FNDC3B: variants seen among roughly 807,000 people sequenced by gnomAD.
FNDC3B encodes fibronectin type III domain containing 3B, also known as fibronectin type III domain-containing protein 3B.
A neutral mutation model predicts 151.5 loss-of-function variants in FNDC3B; 12 were observed. The observed-to-expected ratio is 0.08, with a 90% CI of 0.05 to 0.13. FNDC3B has a LOEUF of 0.13. Among genes scored for constraint, FNDC3B ranks in the 10% least tolerant of loss-of-function variants. The probability of loss-of-function intolerance (pLI) is 1.00; values close to 1 mark genes in which losing one functional copy is unlikely to be tolerated. For missense variants in FNDC3B, 1,214 were observed against 1,505.3 expected, an observed-to-expected ratio of 0.81 and a Z score of 3.20; for synonymous variants, 528 against 549.0, an observed-to-expected ratio of 0.96 and a Z score of 0.54.
rs538183377 is a variant in FNDC3B, at chr3:172,099,681, C to T, written c.-28-12771C>T. Among the ~76,000 whole-genome samples, 16 of 152,300 alleles carry T rather than the reference C, an allele frequency of 1.1e-4. No homozygotes were observed. In the South Asian group the frequency reaches 3.3e-3, roughly 32 times the overall value. On this transcript the variant is annotated intron_variant, in intron 1 of 25. Transcript: ENST00000415807. ...CCTGCTTTTCTGCTCTCATGATTTA[C>T]CAAATGAATTTGCCTCACAAATGTT...
intron 11 of FNDC3B, among the ~76,000 whole-genome samples, chr3:172,315,725 C>G (rs1240775540): frequency 6.6e-6 from 1 of 152,168 alleles, no homozygotes; most frequent in Non-Finnish European, 1.5e-5. Flanking sequence ...AATCTACAAG[C>G]ACTTGTCATT....
intron 6 of FNDC3B, among the ~76,000 whole-genome samples, chr3:172,261,767 T>TAA (rs1440171170): frequency 6.6e-6 from 1 of 152,228 alleles, no homozygotes; most frequent in African/African-American, 2.4e-5. Flanking sequence ...TACAAAGTAA[T>TAA]AAGTGAAATG....
intron 11 of FNDC3B, among the ~76,000 whole-genome samples, chr3:172,319,642 T>TTTGC (rs1731981625): frequency 6.6e-6 from 1 of 152,002 alleles, no homozygotes; most frequent in South Asian, 2.1e-4. Flanking sequence ...AAGAGTGGGG[T>TTTGC]TTGGCACGAG....
intron 5 of FNDC3B, 90 bp from the exon 6 acceptor site, chr3:172,251,170 C>T: frequency 8.7e-6 from 9 of 1,039,374 alleles, no homozygotes; most frequent in Non-Finnish European, 1.3e-5. Context: ...ATACTTTAGA[C>T]TTCTTCAGGA....
At chr3:172,316,124 C>T (rs753221690) in intron 11 of FNDC3B, among the ~76,000 whole-genome samples, 3 of 150,930 alleles carry the variant, frequency 2.0e-5, no homozygotes, top group Non-Finnish European at 2.9e-5. Context: ...TCCCCTGCCT[C>T]GGCCACTCGA....
rs192759658 is a variant in FNDC3B at position 172,361,587 on chromosome 3, C to T, written c.2796-1046C>T. 5.1e-3 allele frequency among the ~76,000 whole-genome samples: 781 copies of T among 152,266 alleles called. 3 individuals are homozygous for T. The highest frequency in any genetic ancestry group is 7.0e-3 in the Non-Finnish European group (479 of 68,016). On this transcript the variant is annotated intron_variant, in intron 22 of 25. Coordinates refer to ENST00000415807, the MANE Select transcript of FNDC3B (RefSeq NM_022763.4). ...CCTTCACTGCCCATATTTCCATCAG[C>T]GCTTTGGTCATGACCACTTATTCAG...
Position 172,247,649 on chromosome 3 carries a change from G to T in FNDC3B, c.381G>T (p.Leu127=). 1 of 1,613,888 alleles carries T rather than the reference G, an allele frequency of 6.2e-7. No homozygotes were observed. Among genetic ancestry groups the T allele is most frequent in the South Asian group, 1.1e-5 (1 of 91,074 alleles). The change falls in exon 5 of 26, where the codon CTG becomes CTT. Residue 127 remains leucine, a synonymous_variant. Transcript: ENST00000415807. ...CAACCCATCATCTCCCTCCCTATCT[G>T]ACTCACCATCCACATTTTATTCATA... The part of the protein sequence containing the change: ...MSPTHHLPPY[L]THHPHFIHNS...
chr3:172,296,763 G>A (rs1364966633), intron 8 of FNDC3B, among the ~76,000 whole-genome samples: 1 of 152,200 alleles, frequency 6.6e-6, no homozygotes, highest in African/African-American at 2.4e-5. Flanking sequence ...ACACAGGTCT[G>A]AACTGCACGG....
chr3:172,133,987 T>C (rs1359080530), intron 3 of FNDC3B, among the ~76,000 whole-genome samples: 1 of 152,180 alleles, frequency 6.6e-6, no homozygotes, highest in East Asian at 1.9e-4. Flanking sequence ...GAGAAGAAAT[T>C]ATGAAAGGGC....
chr3:172,220,292 G>A (rs112280385), intron 3 of FNDC3B, among the ~76,000 whole-genome samples: 25 of 152,152 alleles, frequency 1.6e-4, no homozygotes, highest in Admixed American at 7.2e-4. Flanking sequence ...GTGTGTGCAT[G>A]TGTTTGTGTG....
chr3:172,153,581 GA>G (rs1722338974), intron 3 of FNDC3B, among the ~76,000 whole-genome samples: 1 of 152,234 alleles, frequency 6.6e-6, no homozygotes, highest in Admixed American at 6.5e-5. Flanking sequence ...AACAAATTCA[GA>G]GGGGAAAGCG....
At chr3:172,127,730 C>CTGGA (rs905921999) in intron 2 of FNDC3B, among the ~76,000 whole-genome samples, 2 of 152,094 alleles carry the variant, frequency 1.3e-5, no homozygotes, top group Admixed American at 6.5e-5. Context: ...GTTGCCCAGG[C>CTGGA]TGGAGTGCCA....
intron 6 of FNDC3B, among the ~76,000 whole-genome samples, chr3:172,269,198 A>G (rs891086875): frequency 1.3e-5 from 2 of 152,222 alleles, no homozygotes; most frequent in Non-Finnish European, 2.9e-5. Context: ...AGAAATGTGC[A>G]TATTGTGATT....
chr3:172,047,627 T>C (rs527372886), intron 1 of FNDC3B, among the ~76,000 whole-genome samples: 1 of 152,304 alleles, frequency 6.6e-6, no homozygotes, highest in East Asian at 1.9e-4. Context: ...TCTCTGTGGA[T>C]TGCCATGAAA....
At chr3:172,187,720 T>C (rs1724264515) in intron 3 of FNDC3B, among the ~76,000 whole-genome samples, 1 of 152,184 alleles carries the variant, frequency 6.6e-6, no homozygotes, top group African/African-American at 2.4e-5. Flanking sequence ...GGTGGTGCCA[T>C]CTCAGCTTAG....
At chr3:172,255,259 T>C (rs1381895774) in intron 6 of FNDC3B, among the ~76,000 whole-genome samples, 2 of 152,184 alleles carry the variant, frequency 1.3e-5, no homozygotes, top group African/African-American at 2.4e-5. Context: ...TCTCTGAAAG[T>C]TGCTTCCAGG....
Position 172,245,750 on chromosome 3 carries a change from T to G in FNDC3B, c.265-1783T>G, listed in dbSNP as rs574629617. Among the ~76,000 whole-genome samples, 3 of 152,332 alleles carry G rather than the reference T, an allele frequency of 2.0e-5. No individual in the cohort carries two copies. In the South Asian group the frequency reaches 6.2e-4, roughly 32 times the overall value. ...CATGCATTCATAAATGGGGTTAGTG[T>G]GATTAGCTTGCCAAGGCCCAGAAGA... On this transcript the variant is annotated intron_variant, in intron 4 of 25. Transcript: ENST00000415807.
intron 3 of FNDC3B, among the ~76,000 whole-genome samples, chr3:172,134,817 A>T (rs1030237463): frequency 6.6e-6 from 1 of 152,166 alleles, no homozygotes; most frequent in African/African-American, 2.4e-5. Context: ...TAAATCATTT[A>T]AAATCAAAAC....
chr3:172,353,524 T>C (rs1158139679), intron 22 of FNDC3B, among the ~76,000 whole-genome samples: 1 of 152,224 alleles, frequency 6.6e-6, no homozygotes, highest in East Asian at 1.9e-4. Context: ...CAACCTATAG[T>C]TGTTTAATGA....
Sources: allele counts gnomAD v4.1 joint callset (sites outside exome capture counted in the v4.1 genomes callset), GRCh38; gene constraint gnomAD v4.1.1; transcripts MANE v1.5; gene names NCBI Gene and HGNC (gene_info 2026-07-23, HGNC 2026-07-21).